MYH15: variants seen among roughly 807,000 people sequenced by gnomAD.
The protein encoded by MYH15 is myosin-15.
MYH15 carries 227 observed loss-of-function variants against 240.5 expected under a neutral mutation model. That is an observed-to-expected ratio of 0.94 (90% confidence interval 0.85 to 1.05). The LOEUF (loss-of-function observed/expected upper bound fraction) is 1.05, where lower values mean the gene tolerates loss of function less well. Ranked by LOEUF, MYH15 falls within the 50% of genes least tolerant of loss-of-function variation. MYH15 has a pLI of 0.00. For missense variants in MYH15, 2,217 were observed against 2,247.5 expected (o/e 0.99, Z 0.27); for synonymous variants, 785 against 796.7 (o/e 0.99, Z 0.25).
intron 1 of MYH15, among the ~76,000 whole-genome samples, chr3:108,509,014 T>C (rs563576657): frequency 2.0e-5 from 3 of 152,324 alleles, no homozygotes; most frequent in African/African-American, 7.2e-5. Context: ...CTCAATAAAG[T>C]GAAGTGATTT....
intron 15 of MYH15, 97 bp from the exon 16 acceptor site, chr3:108,463,340 G>A (rs1407824659): frequency 7.7e-7 from 1 of 1,296,532 alleles, no homozygotes; most frequent in Non-Finnish European, 1.1e-6. Context: ...TTTGAGACAG[G>A]GTCTCATTCT....
intron 21 of MYH15, among the ~76,000 whole-genome samples, chr3:108,452,649 G>A (rs935382276): frequency 2.0e-5 from 3 of 152,054 alleles, no homozygotes; most frequent in South Asian, 2.1e-4. Context: ...TCTGCATATC[G>A]AGTAAGTAAA....
chr3:108,482,942 C>T (rs2083277933), intron 11 of MYH15, among the ~76,000 whole-genome samples: 1 of 152,064 alleles, frequency 6.6e-6, no homozygotes, highest in Non-Finnish European at 1.5e-5. Context: ...GGCCTGTAAT[C>T]CCAGCACTTT....
chr3:108,444,071 A>G (rs900841419), intron 22 of MYH15, among the ~76,000 whole-genome samples: 12 of 150,640 alleles, frequency 8.0e-5, no homozygotes, highest in Non-Finnish European at 1.3e-4. Context: ...TGGGTGCAGC[A>G]CACCAGCATG....
At position 108,430,940 on chromosome 3, in the gene MYH15, T is replaced by A; in HGVS notation, c.3222-18A>T. On this transcript the variant is annotated intron_variant, in intron 25 of 40. Coordinates refer to ENST00000693548, the MANE Select transcript of MYH15 (RefSeq NM_014981.3). The stretch of plus-strand genomic sequence containing the variant: ...ATTCTTTTCTGTTTAGAAAAAGATA[T>A]CAAATACAATTGTTCAGAATAATAA... 1 of 1,483,544 alleles carries A rather than the reference T, an allele frequency of 6.7e-7. No homozygotes were observed. Among genetic ancestry groups the A allele is most frequent in the East Asian group, 2.3e-5 (1 of 44,214 alleles). 91.9% of individuals were successfully genotyped at this position (1,483,544 alleles called of 1,614,324 possible).
intron 24 of MYH15, among the ~76,000 whole-genome samples, chr3:108,438,247 C>A (rs997793515): frequency 1.3e-5 from 2 of 152,180 alleles, no homozygotes; most frequent in African/African-American, 4.8e-5. Flanking sequence ...CCCGTCACCA[C>A]CTTGGTACCC....
chr3:108,541,661 A>G, the MYH15 span, among the ~76,000 whole-genome samples: 2 of 152,138 alleles, frequency 1.3e-5, no homozygotes, highest in Admixed American at 1.3e-4. Flanking sequence ...GGTTATTTGT[A>G]AATGTACATA....
chr3:108,497,652 GA>G (rs2083401958), intron 6 of MYH15, among the ~76,000 whole-genome samples: 1 of 151,966 alleles, frequency 6.6e-6, no homozygotes, highest in African/African-American at 2.4e-5. Context: ...TATGAATGAA[GA>G]AAAATTTTAT....
intron 21 of MYH15, among the ~76,000 whole-genome samples, chr3:108,448,510 T>C (rs2082947087): frequency 1.3e-5 from 2 of 152,050 alleles, no homozygotes; most frequent in South Asian, 4.1e-4. Flanking sequence ...ATAAAGAAAG[T>C]TATTACCTAA....
chr3:108,389,030 A>G lies in MYH15; in HGVS notation c.5475T>C (p.Ser1825=), dbSNP rs1560306616. The change falls in exon 38 of 41, where the codon AGT becomes AGC. Residue 1825 remains serine, a synonymous_variant. Coordinates refer to ENST00000693548, the MANE Select transcript of MYH15 (RefSeq NM_014981.3). ...EGELEGEIRR[S]AEAQRGARRL... ...TGCGGGCTCCCCTCTGGGCCTCTGC[A>G]CTGCGACGGATTTCACCCTCCAGTT... 2 of 1,613,906 alleles carry G rather than the reference A, an allele frequency of 1.2e-6. No individual in the cohort carries two copies. Among genetic ancestry groups the G allele is most frequent in the Non-Finnish European group, 1.7e-6 (2 of 1,179,880 alleles).
chr3:108,434,766 G>A (rs1319168945), intron 25 of MYH15, among the ~76,000 whole-genome samples: 4 of 152,022 alleles, frequency 2.6e-5, no homozygotes, highest in Non-Finnish European at 5.9e-5. Context: ...CCTCTAGAGT[G>A]GACACTGAGC....
chr3:108,383,464 A>G (rs1447818131), intron 40 of MYH15, 131 bp downstream of exon 40: 22 of 936,498 alleles, frequency 2.3e-5, no homozygotes, highest in Non-Finnish European at 3.0e-5. Context: ...TTTTATTGGA[A>G]CCCTTTGTTC....
the MYH15 span, among the ~76,000 whole-genome samples, chr3:108,544,880 T>C: frequency 1.3e-5 from 2 of 152,172 alleles, no homozygotes; most frequent in African/African-American, 2.4e-5. Flanking sequence ...ATAGAAATAC[T>C]AACATAGATT....
chr3:108,476,296 A>T, intron 12 of MYH15, 101 bp downstream of exon 12: 2 of 703,196 alleles, frequency 2.8e-6, no homozygotes, highest in Non-Finnish European at 4.6e-6. Context: ...AGAAGCTTTC[A>T]TTATTGCAAA....
chr3:108,485,160 T>G lies in MYH15; in HGVS notation c.1045A>C (p.Met349Leu). 3.7e-6 allele frequency: 6 copies of G among 1,614,154 alleles called. No homozygotes were observed. The highest frequency in any genetic ancestry group is 5.1e-6 in the Non-Finnish European group (6 of 1,179,986). ...YGCYKLTGAI[M>L]HFGNMKFKQK... ...TTAAATTTCATATTTCCAAAGTGCA[T>G]GATGGCTCCAGTGAGTTTATAGCAT... Residue 349 changes from methionine to leucine, a missense_variant, in exon 11 of 41, where the codon ATG (methionine) becomes CTG (leucine). By Grantham distance (15) the Met-to-Leu change is conservative. Coordinates refer to ENST00000693548, the MANE Select transcript of MYH15 (RefSeq NM_014981.3).
rs757777801 is a variant in MYH15 at position 108,405,336 on chromosome 3, A to T, written c.4736+2T>A. On this transcript the variant is annotated splice_donor_variant, in intron 33 of 40. Transcript: ENST00000693548. LOFTEE classifies it high-confidence loss of function. ...GTTACACATCAAAATCATCTTAAATACCTAAAATTTTCTATTTCTTCATCT... is the reference window on the plus strand; with the variant it reads ...GTTACACATCAAAATCATCTTAAATTCCTAAAATTTTCTATTTCTTCATCT... 6.8e-7 allele frequency: 1 copy of T among 1,469,708 alleles called. No homozygotes were observed. The highest frequency in any genetic ancestry group is 1.8e-5 in the Admixed American group (1 of 54,950). The allele number at this position is 1,469,708 out of a possible 1,614,324, so 91.0% of individuals were successfully genotyped here. A position where few individuals can be genotyped will look rare whatever the true frequency, so the allele number is the denominator to read the frequency against.
chr3:108,432,858 G>C (rs1269217518), intron 25 of MYH15, among the ~76,000 whole-genome samples: 1 of 152,148 alleles, frequency 6.6e-6, no homozygotes, highest in African/African-American at 2.4e-5. Context: ...CCAAGCAGAA[G>C]TTTGCTGCAG....
the MYH15 span, among the ~76,000 whole-genome samples, chr3:108,540,377 A>G: frequency 4.8e-4 from 73 of 152,328 alleles, no homozygotes; most frequent in Non-Finnish European, 7.2e-4. Flanking sequence ...TGGCTGCTCT[A>G]TGAGCCTGGC....
intron 25 of MYH15, among the ~76,000 whole-genome samples, chr3:108,435,445 T>C (rs1445025155): frequency 6.6e-6 from 1 of 152,082 alleles, no homozygotes; most frequent in Admixed American, 6.6e-5. Context: ...TTTATACTCA[T>C]TGAACAGAAA....
Sources: gnomAD v4.1 joint callset for allele counts (sites outside exome capture counted in the v4.1 genomes callset) on GRCh38, gnomAD v4.1.1 for gene constraint, MANE v1.5 for transcripts, NCBI Gene and HGNC (gene_info 2026-07-23, HGNC 2026-07-21) for gene names.